APBB2: variants seen among roughly 807,000 people sequenced by gnomAD.
APBB2 encodes amyloid beta precursor protein binding family B member 2.
Under a neutral mutation model 82.5 loss-of-function variants are expected in APBB2, and 38 were observed. That is an observed-to-expected ratio of 0.46 (90% CI 0.36 to 0.60). The LOEUF (loss-of-function observed/expected upper bound fraction) is 0.60, where lower values mean the gene tolerates loss of function less well. Among genes scored for constraint, APBB2 ranks in the 20% least tolerant of loss-of-function variants. The probability of loss-of-function intolerance (pLI) is 0.00; values close to 1 mark genes in which losing one functional copy is unlikely to be tolerated. For synonymous variants in APBB2, 341 were observed against 368.2 expected (o/e 0.93, Z 0.85); for missense variants, 772 against 972.3 (o/e 0.79, Z 2.74).
chr4:41,175,184 T>C (rs13134080), intron 1 of APBB2, among the ~76,000 whole-genome samples: 7,600 of 152,240 alleles, frequency 0.05, 243 homozygotes, highest in Middle Eastern at 0.14. Context: ...TTGATATACA[T>C]AGAGTTTGGT....
intron 7 of APBB2, among the ~76,000 whole-genome samples, chr4:40,937,129 T>G (rs989554563): frequency 9.2e-5 from 14 of 152,236 alleles, no homozygotes; most frequent in African/African-American, 3.4e-4. Context: ...GTGAGCAATA[T>G]TTGTTGTTAA....
At chr4:41,181,347 T>C (rs1168402475) in intron 1 of APBB2, among the ~76,000 whole-genome samples, 5 of 152,228 alleles carry the variant, frequency 3.3e-5, no homozygotes, top group Admixed American at 1.3e-4. Context: ...TGGGAGACGA[T>C]GAAACTCAAG....
In APBB2 at chr4:41,049,494, G is replaced by A. The variant is rs1308500950; in HGVS notation, c.-51+16082C>T. The stretch of plus-strand genomic sequence containing the variant: ...CAGCCCCCGCCCGGCCAGCCGCCCC[G>A]TCCGGGAGGGAGGTGGGGGCCAGCC... On this transcript the variant is annotated intron_variant, in intron 4 of 17. Coordinates refer to ENST00000508593, the MANE Select transcript of APBB2 (RefSeq NM_004307.2). 4.9e-4 allele frequency among the ~76,000 whole-genome samples: 58 copies of A among 118,296 alleles called. 1 individual carries two copies. The highest frequency in any genetic ancestry group is 2.4e-3 in the African/African-American group (55 of 22,990). The allele number at this position is 118,296 out of a possible 152,430, so 77.6% of individuals were successfully genotyped here. A position where few individuals can be genotyped will look rare whatever the true frequency, so the allele number is the denominator to read the frequency against.
rs1318358641 is a variant in APBB2, at chr4:41,060,245, T to G, written c.-51+5331A>C. On this transcript the variant is annotated intron_variant, in intron 4 of 17. Coordinates refer to ENST00000508593, the MANE Select transcript of APBB2 (RefSeq NM_004307.2). Reference sequence around the variant, plus strand: ...AAATAGAAAAGTAAATAGCGGTTGTTCAGGAAAAAGTTACCATGAATACAA... The same window carrying G: ...AAATAGAAAAGTAAATAGCGGTTGTGCAGGAAAAAGTTACCATGAATACAA... Among the ~76,000 whole-genome samples, 3 of 152,110 alleles carry G rather than the reference T, an allele frequency of 2.0e-5. No homozygotes were observed. The East Asian group carries it at 5.8e-4, about 29-fold the overall frequency.
chr4:41,013,618 T>C lies in APBB2; in HGVS notation c.800A>G (p.Gln267Arg). Residue 267 changes from glutamine (Q) to arginine (R), a missense_variant, in exon 6 of 18, where the codon CAA becomes CGA. Physicochemically the swap from Gln to Arg is conservative, Grantham distance 43. Transcript: ENST00000508593. ...DEESSWTTLS[Q>R]DSASPSSPDE... is the part of the protein sequence containing the mutation. ...CGGGGAGCTGGGTGAGGCACTGTCT[T>C]GGGACAACGTTGTCCAGCTGGACTC... 1 of 1,614,136 alleles carries C rather than the reference T, an allele frequency of 6.2e-7. No homozygotes were observed. Among genetic ancestry groups the C allele is most frequent in the Non-Finnish European group, 8.5e-7 (1 of 1,180,036 alleles).
intron 1 of APBB2, among the ~76,000 whole-genome samples, chr4:41,172,318 C>T (rs1768521309): frequency 6.6e-6 from 1 of 151,766 alleles, no homozygotes; most frequent in African/African-American, 2.4e-5. Context: ...GTCTTCCCAC[C>T]CCCATCCGCC....
At chr4:41,056,101 A>AGTGCTT (rs1468560083) in intron 4 of APBB2, among the ~76,000 whole-genome samples, 1 of 152,124 alleles carries the variant, frequency 6.6e-6, no homozygotes, top group Non-Finnish European at 1.5e-5. Context: ...AAGCACTTGA[A>AGTGCTT]CCTGGGAAGC....
intron 12 of APBB2, among the ~76,000 whole-genome samples, chr4:40,866,872 C>T (rs998948099): frequency 6.6e-6 from 1 of 152,166 alleles, no homozygotes; most frequent in Non-Finnish European, 1.5e-5. Context: ...TGTGCGCCAC[C>T]ATGCCTGGCT....
intron 6 of APBB2, among the ~76,000 whole-genome samples, chr4:40,960,956 T>G (rs1239829187): frequency 3.0e-5 from 4 of 132,684 alleles, no homozygotes; most frequent in African/African-American, 1.2e-4. Flanking sequence ...CCAAGAGCCC[T>G]CCTTTAAAAA....
Position 41,151,522 on chromosome 4 carries a change from C to T in APBB2, c.-416-8380G>A, listed in dbSNP as rs964718802. ...CCCTTCCTCCTGGAATCTCTCCTTC[C>T]GGAAGTATATCCTTTAAGAAGTTTC... On this transcript the variant is annotated intron_variant, in intron 1 of 17. Coordinates refer to ENST00000508593, the MANE Select transcript of APBB2 (RefSeq NM_004307.2). Among the ~76,000 whole-genome samples, 76 of 152,290 alleles carry T rather than the reference C, an allele frequency of 5.0e-4. 1 individual carries two copies. Among genetic ancestry groups the T allele is most frequent in the African/African-American group, 1.7e-3 (70 of 41,556 alleles).
chr4:41,009,420 A>T (rs1336307686), intron 6 of APBB2, among the ~76,000 whole-genome samples: 1 of 152,166 alleles, frequency 6.6e-6, no homozygotes, highest in African/African-American at 2.4e-5. Context: ...GGAAAAGGGC[A>T]GCCACATATT....
At chr4:40,898,855 TCACACACACACA>T (rs777366496) in intron 10 of APBB2, among the ~76,000 whole-genome samples, 3 of 118,168 alleles carry the variant, frequency 2.5e-5, no homozygotes, top group Non-Finnish European at 3.8e-5. Flanking sequence ...ACACACACAC[TCACACACACACA>T]CACACACACA....
intron 10 of APBB2, among the ~76,000 whole-genome samples, chr4:40,899,324 C>T (rs1174831701): frequency 2.0e-5 from 3 of 152,182 alleles, no homozygotes; most frequent in African/African-American, 7.2e-5. Context: ...TTGACCTGGG[C>T]CCCCTTCTCT....
intron 3 of APBB2, among the ~76,000 whole-genome samples, chr4:41,084,385 T>C (rs970388828): frequency 6.6e-6 from 1 of 152,096 alleles, no homozygotes; most frequent in Non-Finnish European, 1.5e-5. Flanking sequence ...GATCACACCA[T>C]TGCATTCCAG....
At chr4:41,212,651 C>T (rs1216938509) in intron 1 of APBB2, among the ~76,000 whole-genome samples, 2 of 152,148 alleles carry the variant, frequency 1.3e-5, no homozygotes, top group African/African-American at 4.8e-5. Flanking sequence ...TATCTAGAGA[C>T]GTGGTTACAT....
chr4:41,053,152 C>T (rs1726676641), intron 4 of APBB2, among the ~76,000 whole-genome samples: 2 of 152,164 alleles, frequency 1.3e-5, no homozygotes, highest in South Asian at 2.1e-4. Flanking sequence ...CATTCCAGGT[C>T]TCAAGTTTCC....
At chr4:41,051,789 G>A (rs1268644217) in intron 4 of APBB2, among the ~76,000 whole-genome samples, 2 of 151,978 alleles carry the variant, frequency 1.3e-5, no homozygotes, top group African/African-American at 2.4e-5. Flanking sequence ...ACATATACAC[G>A]CTCCAAGCTA....
At chr4:40,887,826 T>A (rs911384991) in intron 12 of APBB2, among the ~76,000 whole-genome samples, 1 of 152,224 alleles carries the variant, frequency 6.6e-6, no homozygotes, top group Non-Finnish European at 1.5e-5. Flanking sequence ...ATTACACTCA[T>A]CTGCTGACAC....
intron 6 of APBB2, among the ~76,000 whole-genome samples, chr4:40,968,473 T>A (rs557915718): frequency 7.2e-5 from 11 of 152,294 alleles, no homozygotes; most frequent in African/African-American, 2.4e-4. Flanking sequence ...TAATTTCTCA[T>A]GAACATCCAT....
Sources: allele counts gnomAD v4.1 joint callset (sites outside exome capture counted in the v4.1 genomes callset), GRCh38; gene constraint gnomAD v4.1.1; transcripts MANE v1.5; gene names NCBI Gene and HGNC (gene_info 2026-07-23, HGNC 2026-07-21).